The following CTSO variants were observed in gnomAD, a reference collection of about 807,000 sequenced individuals.
CTSO encodes the protein cathepsin O.
A neutral mutation model predicts 42.4 loss-of-function variants in CTSO; 40 were observed. The observed-to-expected ratio is 0.94, with a 90% CI of 0.73 to 1.23. The LOEUF is 1.23. Ranked by LOEUF, CTSO falls within the 50% of genes most tolerant of loss-of-function variation. The pLI, the probability that CTSO is intolerant of heterozygous loss-of-function variation, is 0.00. For synonymous variants in CTSO, 156 were observed against 146.2 expected (o/e 1.07, Z -0.48); for missense variants, 441 against 396.0 (o/e 1.11, Z -0.96).
chr4:155,937,432 C>A lies in CTSO; in HGVS notation c.604G>T (p.Gly202Cys). ...GAACCAGAAAAGTAATGGCACAGAC[C>A]ATTTTGTGCTTTAAAAGGATATTCT... Reference protein sequence around the residue: ...DSEYPFKAQNGLCHYFSGSHS... With the variant: ...DSEYPFKAQNCLCHYFSGSHS... The change falls in exon 5 of 8, where the codon GGT (glycine) becomes TGT (cysteine). Residue 202 changes from glycine (G) to cysteine (C), a missense_variant. Physicochemically the swap from Gly to Cys is radical, Grantham distance 159. Transcript: ENST00000433477. The A allele has an allele frequency of 6.2e-7, 1 of 1,612,258 alleles. No homozygotes were observed. The highest frequency in any genetic ancestry group is 1.7e-4 in the Middle Eastern group (1 of 6,056).
At chr4:155,931,253 T>G (rs1340782545) in intron 5 of CTSO, among the ~76,000 whole-genome samples, 1 of 152,120 alleles carries the variant, frequency 6.6e-6, no homozygotes. Context: ...ATGATATATA[T>G]AATAATCTTT....
At chr4:155,948,030 G>A (rs989979064) in intron 1 of CTSO, among the ~76,000 whole-genome samples, 2 of 150,870 alleles carry the variant, frequency 1.3e-5, no homozygotes, top group Non-Finnish European at 2.9e-5. Flanking sequence ...GAACAGCCTT[G>A]GTGAACAGAT....
intron 3 of CTSO, among the ~76,000 whole-genome samples, chr4:155,940,485 C>G (rs1161839413): frequency 6.6e-6 from 1 of 151,930 alleles, no homozygotes; most frequent in Non-Finnish European, 1.5e-5. Flanking sequence ...AAGGTTATAT[C>G]TCTATCTCTA....
chr4:155,930,399 G>T (rs544860220), intron 5 of CTSO, among the ~76,000 whole-genome samples: 1 of 152,282 alleles, frequency 6.6e-6, no homozygotes, highest in South Asian at 2.1e-4. Flanking sequence ...AGGATGCCCG[G>T]AGAACTAGGT....
At chr4:155,928,670 G>A (rs1743174406) in intron 6 of CTSO, among the ~76,000 whole-genome samples, 2 of 152,026 alleles carry the variant, frequency 1.3e-5, no homozygotes, top group African/African-American at 4.8e-5. Context: ...TACAGGGACT[G>A]CATAAAATGA....
At chr4:155,953,284 A>C (rs984675818) in intron 1 of CTSO, among the ~76,000 whole-genome samples, 6 of 151,786 alleles carry the variant, frequency 4.0e-5, no homozygotes. Flanking sequence ...GGAAAAAAAA[A>C]CACGACAGGT....
intron 1 of CTSO, among the ~76,000 whole-genome samples, chr4:155,943,470 G>A (rs1743477079): frequency 6.6e-6 from 1 of 151,954 alleles, no homozygotes; most frequent in Non-Finnish European, 1.5e-5. Context: ...ATTTTTTGAG[G>A]CTGAGAAAAG....
At chr4:155,952,731 G>A (rs748566118) in intron 1 of CTSO, among the ~76,000 whole-genome samples, 27 of 152,192 alleles carry the variant, frequency 1.8e-4, no homozygotes, top group Non-Finnish European at 3.7e-4. Context: ...AGAGTCGGGG[G>A]AAAAGAGCAC....
intron 1 of CTSO, among the ~76,000 whole-genome samples, chr4:155,947,790 A>G (rs932707116): frequency 6.6e-6 from 1 of 152,170 alleles, no homozygotes; most frequent in Non-Finnish European, 1.5e-5. Flanking sequence ...TAGGTAAAGG[A>G]TCAGTGGGCA....
At chr4:155,945,527 T>C (rs1372064077) in intron 1 of CTSO, among the ~76,000 whole-genome samples, 1 of 152,136 alleles carries the variant, frequency 6.6e-6, no homozygotes, top group Non-Finnish European at 1.5e-5. Flanking sequence ...AAGTGAAAAC[T>C]GACTCACAAA....
chr4:155,947,766 C>T (rs1743574629), intron 1 of CTSO, among the ~76,000 whole-genome samples: 1 of 152,130 alleles, frequency 6.6e-6, no homozygotes, highest in Non-Finnish European at 1.5e-5. Context: ...CTCATTACAT[C>T]CAACAACCTC....
chr4:155,941,953 T>C (rs1320932030), intron 3 of CTSO, among the ~76,000 whole-genome samples: 1 of 152,134 alleles, frequency 6.6e-6, no homozygotes, highest in Non-Finnish European at 1.5e-5. Flanking sequence ...AGTGCTCATG[T>C]TTACCTTCTC....
chr4:155,940,661 G>A (rs990874180), intron 3 of CTSO, among the ~76,000 whole-genome samples: 1 of 152,046 alleles, frequency 6.6e-6, no homozygotes, highest in Non-Finnish European at 1.5e-5. Context: ...TGACCAACAT[G>A]GTGAAACCCC....
chr4:155,935,918 T>A (rs759194877), intron 5 of CTSO, among the ~76,000 whole-genome samples: 9 of 152,144 alleles, frequency 5.9e-5, no homozygotes, highest in Non-Finnish European at 1.3e-4. Context: ...AAAGGCCCAA[T>A]GCCAACAACT....
intron 5 of CTSO, among the ~76,000 whole-genome samples, chr4:155,930,723 T>G (rs781270856): frequency 2.0e-5 from 3 of 152,304 alleles, no homozygotes; most frequent in South Asian, 2.1e-4. Flanking sequence ...AGAGGGAATA[T>G]TTTGTCCACA....
intron 5 of CTSO, among the ~76,000 whole-genome samples, chr4:155,933,026 C>A (rs1221423372): frequency 6.6e-6 from 1 of 152,022 alleles, no homozygotes; most frequent in Admixed American, 6.6e-5. Context: ...TATACATACC[C>A]CTCATCTCTC....
chr4:155,939,343 G>T (rs1025951371), intron 4 of CTSO, 28 bp downstream of exon 4: 8 of 1,544,324 alleles, frequency 5.2e-6, no homozygotes, highest in Non-Finnish European at 7.0e-6. Flanking sequence ...AGGAAATAAA[G>T]AGTTTAAGAG....
chr4:155,925,756 G>T lies in CTSO; in HGVS notation c.*280C>A, dbSNP rs1036166087. ...AACAGTAGCCTTCCCCAGTTGCAGG[G>T]GCCTAAAATATCTCCTAATCTGAAT... On this transcript the variant is annotated 3_prime_UTR_variant, in exon 8 of 8. Transcript: ENST00000433477. The T allele has an allele frequency of 1.5e-5, 6 of 398,176 alleles. 1 individual carries two copies. Among genetic ancestry groups the T allele is most frequent in the African/African-American group, 1.2e-4 (6 of 48,060 alleles). 24.7% of individuals were successfully genotyped at this position (398,176 alleles called of 1,614,324 possible).
intron 4 of CTSO, among the ~76,000 whole-genome samples, chr4:155,937,719 A>T (rs1743354595): frequency 6.6e-6 from 1 of 151,878 alleles, no homozygotes; most frequent in East Asian, 1.9e-4. Context: ...GGCACCAGTG[A>T]TCATCCCACC....
Sources: allele counts gnomAD v4.1 joint callset (sites outside exome capture counted in the v4.1 genomes callset), GRCh38; gene constraint gnomAD v4.1.1; transcripts MANE v1.5; gene names NCBI Gene and HGNC (gene_info 2026-07-23, HGNC 2026-07-21).